RASSF3: variants seen among roughly 807,000 people sequenced by gnomAD.
The protein encoded by RASSF3 is ras association domain-containing protein 3.
A neutral mutation model predicts 19.9 loss-of-function variants in RASSF3; 19 were observed. The observed-to-expected ratio is 0.96, with a 90% CI of 0.67 to 1.40. RASSF3 has a LOEUF of 1.40. Ranked by LOEUF, RASSF3 falls within the 40% of genes most tolerant of loss-of-function variation. The probability of loss-of-function intolerance (pLI) is 0.00; values close to 1 mark genes in which losing one functional copy is unlikely to be tolerated. For synonymous variants in RASSF3, 110 were observed against 104.2 expected, an observed-to-expected ratio of 1.06 and a Z score of -0.34; for missense variants, 306 against 289.8, an observed-to-expected ratio of 1.06 and a Z score of -0.41.
intron 2 of RASSF3, among the ~76,000 whole-genome samples, chr12:64,600,806 A>G (rs192837847): frequency 3.0e-4 from 46 of 152,272 alleles, no homozygotes; most frequent in African/African-American, 1.0e-3. Flanking sequence ...CATTGTTACT[A>G]TATTTGGTTT....
chr12:64,600,631 A>G (rs1472840467), intron 2 of RASSF3, among the ~76,000 whole-genome samples: 2 of 152,194 alleles, frequency 1.3e-5, no homozygotes, highest in East Asian at 3.8e-4. Context: ...CCATATATGC[A>G]TCATCTTTGT....
chr12:64,521,030 T>C (rs1868468154), intron 1 of RASSF3, among the ~76,000 whole-genome samples: 1 of 152,058 alleles, frequency 6.6e-6, no homozygotes, highest in African/African-American at 2.4e-5. Context: ...GGTTGTCGGG[T>C]CATCTGTAGA....
intron 1 of RASSF3, among the ~76,000 whole-genome samples, chr12:64,517,940 T>C (rs1868396502): frequency 6.6e-6 from 1 of 152,044 alleles, no homozygotes; most frequent in Admixed American, 6.6e-5. Flanking sequence ...TATATAGCTA[T>C]AAAGTTTACA....
chr12:64,603,308 T>C (rs764060024), intron 2 of RASSF3, among the ~76,000 whole-genome samples: 4 of 152,170 alleles, frequency 2.6e-5, no homozygotes, highest in Non-Finnish European at 5.9e-5. Flanking sequence ...AAGGATTTTT[T>C]CATCAGGTAT....
chr12:64,611,200 G>T (rs1345789988), intron 1 of RASSF3, among the ~76,000 whole-genome samples: 1 of 152,204 alleles, frequency 6.6e-6, no homozygotes, highest in Non-Finnish European at 1.5e-5. Flanking sequence ...AGGGGTGGCC[G>T]GGTGACCTGA....
chr12:64,522,252 C>CT (rs112451411), intron 1 of RASSF3, among the ~76,000 whole-genome samples: 4,297 of 151,198 alleles, frequency 0.028, 184 homozygotes, highest in African/African-American at 0.098. Context: ...TCATTGCTTT[C>CT]TTTTTTTTTG....
chr12:64,663,912 T>A (rs1872460598), intron 1 of RASSF3, among the ~76,000 whole-genome samples: 1 of 136,702 alleles, frequency 7.3e-6, no homozygotes, highest in Non-Finnish European at 1.5e-5. Context: ...AACAAAAACA[T>A]CCCAACAATA....
intron 1 of RASSF3, among the ~76,000 whole-genome samples, chr12:64,620,228 T>A (rs1035145013): frequency 6.6e-6 from 1 of 152,148 alleles, no homozygotes; most frequent in African/African-American, 2.4e-5. Context: ...TTTACTTAGC[T>A]TGATGTCATC....
chr12:64,611,456 A>G (rs1361276165), intron 1 of RASSF3: 4 of 152,250 alleles, frequency 2.6e-5, no homozygotes, highest in Non-Finnish European at 5.9e-5. Flanking sequence ...GGGAAGCACG[A>G]GTTGGGAAAA....
intron 1 of RASSF3, among the ~76,000 whole-genome samples, chr12:64,650,041 A>G (rs1194676554): frequency 2.6e-5 from 4 of 152,174 alleles, no homozygotes; most frequent in African/African-American, 9.7e-5. Flanking sequence ...GGCAACCCCA[A>G]ATTTACGCAC....
chr12:64,555,073 G>A (rs545151792), intron 2 of RASSF3, among the ~76,000 whole-genome samples: 10 of 151,976 alleles, frequency 6.6e-5, no homozygotes, highest in South Asian at 4.2e-4. Context: ...GTGAAACCCC[G>A]TCTTTACTAA....
intron 1 of RASSF3, among the ~76,000 whole-genome samples, chr12:64,522,972 A>G (rs1197463721): frequency 6.6e-6 from 1 of 152,242 alleles, no homozygotes; most frequent in Admixed American, 6.5e-5. Flanking sequence ...TACATCCCCC[A>G]AGCCCAAGTC....
chr12:64,529,140 G>A (rs977773181), upstream of RASSF3, among the ~76,000 whole-genome samples: 1 of 152,206 alleles, frequency 6.6e-6, no homozygotes, highest in Non-Finnish European at 1.5e-5. Context: ...TGTATTAGGA[G>A]ATATGAAACT....
intron 1 of RASSF3, among the ~76,000 whole-genome samples, chr12:64,507,905 G>A (rs1868301773): frequency 6.6e-6 from 1 of 152,136 alleles, no homozygotes; most frequent in African/African-American, 2.4e-5. Context: ...ATATGCAAGG[G>A]TCAGAGGAGA....
intron 2 of RASSF3, among the ~76,000 whole-genome samples, chr12:64,573,226 A>C (rs1296121698): frequency 6.6e-6 from 1 of 152,074 alleles, no homozygotes. Flanking sequence ...TGGGAGGATC[A>C]CTAGAGCCTG....
chr12:64,577,136 T>C (rs991811937), intron 2 of RASSF3, among the ~76,000 whole-genome samples: 12 of 152,218 alleles, frequency 7.9e-5, no homozygotes, highest in Non-Finnish European at 1.5e-4. Flanking sequence ...TCCTATTTTT[T>C]CCAAAAATGT....
At chr12:64,598,546 A>G (rs1870033399) in intron 2 of RASSF3, among the ~76,000 whole-genome samples, 1 of 152,116 alleles carries the variant, frequency 6.6e-6, no homozygotes, top group Non-Finnish European at 1.5e-5. Flanking sequence ...TCCATCAGCA[A>G]TTTTCCTTTG....
chr12:64,564,937 T>C (rs1252260007), intron 2 of RASSF3, among the ~76,000 whole-genome samples: 1 of 151,792 alleles, frequency 6.6e-6, no homozygotes, highest in Admixed American at 6.6e-5. Flanking sequence ...TGCATCACCA[T>C]GCCCAGCTAT....
chr12:64,512,795 T>C (rs902922519), intron 1 of RASSF3, among the ~76,000 whole-genome samples: 8 of 152,202 alleles, frequency 5.3e-5, no homozygotes, highest in African/African-American at 1.9e-4. Flanking sequence ...TAATGAGCAA[T>C]CTTACTCATA....
Sources: gnomAD v4.1 joint callset for allele counts (sites outside exome capture counted in the v4.1 genomes callset) on GRCh38, gnomAD v4.1.1 for gene constraint, MANE v1.5 for transcripts, NCBI Gene and HGNC (gene_info 2026-07-23, HGNC 2026-07-21) for gene names.